NAV2: variants seen among roughly 807,000 people sequenced by gnomAD.
NAV2 encodes neuron navigator 2.
In NAV2, 54 loss-of-function variants were observed where a neutral mutation model predicts 223.2. That is an observed-to-expected ratio of 0.24 (90% CI 0.19 to 0.30). The LOEUF (loss-of-function observed/expected upper bound fraction) is 0.30. NAV2 is among the 10% of genes least tolerant of loss of function. The probability of loss-of-function intolerance (pLI) is 1.00; values close to 1 mark genes in which losing one functional copy is unlikely to be tolerated. For synonymous variants in NAV2, 1,279 were observed against 1,239.3 expected (o/e 1.03, Z -0.67); for missense variants, 2,806 against 3,147.5 (o/e 0.89, Z 2.60).
In NAV2 at chr11:19,424,841, G is replaced by A. The variant is rs534960787; in HGVS notation, c.75+73814G>A. On this transcript the variant is annotated intron_variant, in intron 1 of 37. Transcript: ENST00000360655. Reference sequence around the variant, plus strand: ...GCTAGGATTACAGGCATAAGCCACCGTGCCCGGCCTTAGTTTGGTGTTTTT... The same window carrying A: ...GCTAGGATTACAGGCATAAGCCACCATGCCCGGCCTTAGTTTGGTGTTTTT... Among the ~76,000 whole-genome samples, 298 of 152,198 alleles carry A rather than the reference G, an allele frequency of 2.0e-3. 1 individual carries two copies. Among genetic ancestry groups the A allele is most frequent in the African/African-American group, 6.4e-3 (264 of 41,508 alleles).
At position 20,061,839 on chromosome 11, in the gene NAV2, A is replaced by T. The variant is rs147517563; in HGVS notation, c.4832-468A>T. ...AAAATAATCAGCTCTTTTTTTGCAT[A>T]TACAACTGACAGATGCCAACAGGGT... is the stretch of plus-strand genomic sequence containing the variant. On this transcript the variant is annotated intron_variant, in intron 19 of 37. Coordinates refer to ENST00000349880, the MANE Select transcript of NAV2 (RefSeq NM_145117.5). 5.1e-4 allele frequency among the ~76,000 whole-genome samples: 78 copies of T among 152,282 alleles called. 1 individual carries two copies. Among genetic ancestry groups the T allele is most frequent in the Middle Eastern group, 6.8e-3 (2 of 294 alleles).
chr11:19,535,708 G>C (rs1363952040), intron 1 of NAV2, among the ~76,000 whole-genome samples: 5 of 152,156 alleles, frequency 3.3e-5, no homozygotes, highest in Admixed American at 2.6e-4. Context: ...TCCATTCCCT[G>C]TTGGCCTTAT....
At chr11:19,373,115 T>C (rs1003162275) in intron 1 of NAV2, among the ~76,000 whole-genome samples, 1 of 152,182 alleles carries the variant, frequency 6.6e-6, no homozygotes, top group Non-Finnish European at 1.5e-5. Context: ...TTTTCTCCCA[T>C]GTTAATAAGG....
rs1850076881 is a variant in NAV2, at chr11:19,410,120, A to T, written c.75+59093A>T. On this transcript the variant is annotated intron_variant, in intron 1 of 37. Coordinates refer to the NAV2 transcript ENST00000360655. ...CCCTACCCATTTCCTGCCCTGCTTC[A>T]GGGGGGCAGACAGAGGTGGTCCTCC... 2.0e-5 allele frequency among the ~76,000 whole-genome samples: 3 copies of T among 152,158 alleles called. No homozygotes were observed. The South Asian group carries it at 6.2e-4, about 32-fold the overall frequency.
At position 19,870,775 on chromosome 11, in the gene NAV2, G is replaced by A. The variant is rs187128006; in HGVS notation, c.511+1778G>A. ...ACTTTGGTTTAAAGAGGTTATGAGCGGCATCCCTGAAGCATGTAGCTAGAG... is the reference window on the plus strand; with the variant it reads ...ACTTTGGTTTAAAGAGGTTATGAGCAGCATCCCTGAAGCATGTAGCTAGAG... On this transcript the variant is annotated intron_variant, in intron 4 of 37. Transcript: ENST00000349880. Among the ~76,000 whole-genome samples, 8 of 152,290 alleles carry A rather than the reference G, an allele frequency of 5.3e-5. No homozygotes were observed. In the South Asian group the frequency reaches 1.0e-3, roughly 20 times the overall value.
intron 1 of NAV2, among the ~76,000 whole-genome samples, chr11:19,495,270 C>G (rs1318718684): frequency 6.6e-6 from 1 of 152,206 alleles, no homozygotes; most frequent in East Asian, 1.9e-4. Flanking sequence ...ACCAGGCTCT[C>G]CATTAGGAAT....
At chr11:19,557,004 T>G (rs1158754568) in intron 1 of NAV2, among the ~76,000 whole-genome samples, 2 of 152,222 alleles carry the variant, frequency 1.3e-5, no homozygotes, top group African/African-American at 4.8e-5. Flanking sequence ...TTCTCTTTAT[T>G]CTCTCTAATT....
At chr11:20,051,191 C>G in intron 16 of NAV2, 98 bp from the exon 17 acceptor site, 1 of 972,482 alleles carries the variant, frequency 1.0e-6, no homozygotes, top group Non-Finnish European at 1.7e-6. Flanking sequence ...ATGTGCACCT[C>G]TTTCTCCAGG....
At chr11:19,584,819 T>C (rs1017135291) in intron 1 of NAV2, among the ~76,000 whole-genome samples, 4 of 152,212 alleles carry the variant, frequency 2.6e-5, no homozygotes, top group African/African-American at 9.7e-5. Flanking sequence ...AATTTTGGAA[T>C]AGGTGTGATG....
chr11:19,485,484 G>C (rs543072054), intron 1 of NAV2, among the ~76,000 whole-genome samples: 8 of 152,244 alleles, frequency 5.3e-5, no homozygotes, highest in African/African-American at 1.9e-4. Flanking sequence ...GACATTTAAA[G>C]GCCCATCCAC....
rs924827886 is a variant in NAV2, at chr11:19,877,446, G to A, written c.512-2423G>A. On this transcript the variant is annotated intron_variant, in intron 4 of 37. Transcript: ENST00000349880. ...TTAATAGACACTAACTAGCATGTCAGACCTTGCTTGGCTTATCTTCATTCT... is the reference window on the plus strand; with the variant it reads ...TTAATAGACACTAACTAGCATGTCAAACCTTGCTTGGCTTATCTTCATTCT... Among the ~76,000 whole-genome samples, 4 of 135,584 alleles carry A rather than the reference G, an allele frequency of 3.0e-5. No individual in the cohort carries two copies. In the South Asian group the frequency reaches 1.1e-3, roughly 36 times the overall value. The allele number at this position is 135,584 out of a possible 152,430, so 88.9% of individuals were successfully genotyped here. A position where few individuals can be genotyped will look rare whatever the true frequency, so the allele number is the denominator to read the frequency against.
intron 1 of NAV2, among the ~76,000 whole-genome samples, chr11:19,424,197 A>G (rs764395074): frequency 5.3e-5 from 8 of 152,366 alleles, no homozygotes; most frequent in Middle Eastern, 3.4e-3. Context: ...AAGCACATTA[A>G]TATCAATGAG....
chr11:19,830,712 A>T (rs2059883007), intron 1 of NAV2, among the ~76,000 whole-genome samples: 1 of 152,186 alleles, frequency 6.6e-6, no homozygotes, highest in African/African-American at 2.4e-5. Flanking sequence ...AGCCTACAGA[A>T]CCGGGACCTG....
chr11:20,085,231 CT>C (rs2060361105), intron 26 of NAV2, among the ~76,000 whole-genome samples: 1 of 151,826 alleles, frequency 6.6e-6, no homozygotes, highest in African/African-American at 2.4e-5. Flanking sequence ...TTCTCCACCC[CT>C]GAGAAGAGTA....
chr11:20,102,248 G>A (rs2061692123), intron 32 of NAV2, among the ~76,000 whole-genome samples: 1 of 152,080 alleles, frequency 6.6e-6, no homozygotes, highest in African/African-American at 2.4e-5. Flanking sequence ...TTAAAAGGTG[G>A]GCTTTTTCTA....
chr11:19,963,373 G>A (rs779551680), intron 10 of NAV2, among the ~76,000 whole-genome samples: 48 of 152,148 alleles, frequency 3.2e-4, no homozygotes, highest in African/African-American at 2.7e-4. Context: ...TTCAAAGCCC[G>A]GGATCCCAAG....
At chr11:19,672,917 T>C (rs1403339388) in intron 1 of NAV2, among the ~76,000 whole-genome samples, 2 of 152,132 alleles carry the variant, frequency 1.3e-5, no homozygotes, top group South Asian at 2.1e-4. Context: ...GGGCAGAATA[T>C]AGATTTGTAA....
At position 19,948,620 on chromosome 11, in the gene NAV2, AAT is replaced by A. The variant is rs1165103925; in HGVS notation, c.2256-70_2256-69del. 6 of 1,433,290 alleles carry A rather than the reference AAT, an allele frequency of 4.2e-6. No individual in the cohort carries two copies. The African/African-American group carries it at 7.1e-5, about 17-fold the overall frequency. 88.8% of individuals were successfully genotyped at this position (1,433,290 alleles called of 1,614,324 possible). ...TGAGGATTATTTCATAATTCTAAAT[AAT>A]TAAAGAACATATAAACTGTGAAGGA... is the stretch of plus-strand genomic sequence containing the variant. On this transcript the variant is annotated intron_variant, in intron 9 of 37. Coordinates refer to ENST00000349880, the MANE Select transcript of NAV2 (RefSeq NM_145117.5).
chr11:19,698,798 T>C (rs1348352864), intron 1 of NAV2, among the ~76,000 whole-genome samples: 1 of 152,098 alleles, frequency 6.6e-6, no homozygotes, highest in Non-Finnish European at 1.5e-5. Context: ...TGGACAGTGC[T>C]CACGTGTGTG....
Sources: allele counts gnomAD v4.1 joint callset (sites outside exome capture counted in the v4.1 genomes callset), GRCh38; gene constraint gnomAD v4.1.1; transcripts MANE v1.5; gene names NCBI Gene and HGNC (gene_info 2026-07-23, HGNC 2026-07-21).